Variants in ALDH4A1 observed in about 807,000 individuals in gnomAD.
ALDH4A1 encodes delta-1-pyrroline-5-carboxylate dehydrogenase, mitochondrial.
Under a neutral mutation model 70.5 loss-of-function variants are expected in ALDH4A1, and 46 were observed. That is an observed-to-expected ratio of 0.65 (90% CI 0.51 to 0.83). The LOEUF (loss-of-function observed/expected upper bound fraction) is 0.83. Among genes scored for constraint, ALDH4A1 ranks in the 40% least tolerant of loss-of-function variants. The pLI is 0.00. For synonymous variants in ALDH4A1, 323 were observed against 324.3 expected, an observed-to-expected ratio of 1.00 and a Z score of 0.04; for missense variants, 749 against 766.5, an observed-to-expected ratio of 0.98 and a Z score of 0.27.
rs1935836571 is a variant in ALDH4A1, at chr1:18,902,500, G to A, written c.24C>T (p.Leu8=). The A allele has an allele frequency of 1.4e-6, 2 of 1,480,768 alleles. No homozygotes were observed. Among genetic ancestry groups the A allele is most frequent in the Admixed American group, 2.2e-5 (1 of 46,136 alleles). 91.7% of individuals were successfully genotyped at this position (1,480,768 alleles called of 1,614,324 possible). Residue 8 remains leucine, a synonymous_variant, in exon 1 of 15, where the codon CTC becomes CTT. Coordinates refer to ENST00000375341, the MANE Select transcript of ALDH4A1 (RefSeq NM_003748.4). ...AGGGGCGGGACAGCAGGGCGCGGCG[G>A]AGCGCGGGCGCCGGCAGCAGCATCT... MLLPAPA[L]RRALLSRPWT... is the part of the protein sequence containing the mutation.
rs9117 is a variant in ALDH4A1 at position 18,872,401 on chromosome 1, A to G, written c.*444T>C. ...TGGTGCCCCCTGTGCCCCACAGGTC[A>G]GTCTGAGTTACACTTTACCCTGGAC... On this transcript the variant is annotated 3_prime_UTR_variant, in exon 15 of 15. Transcript: ENST00000375341. The G allele has an allele frequency of 0.18, 29,374 of 161,142 alleles. 3,206 individuals are homozygous for G. The highest frequency in any genetic ancestry group is 0.25 in the Non-Finnish European group (17,926 of 73,074). 10.0% of individuals were successfully genotyped at this position (161,142 alleles called of 1,614,324 possible).
intron 1 of ALDH4A1, among the ~76,000 whole-genome samples, chr1:18,895,013 G>A (rs1220183033): frequency 4.6e-5 from 7 of 152,060 alleles, no homozygotes; most frequent in Non-Finnish European, 7.4e-5. Flanking sequence ...TGGCAGGACA[G>A]CATTCCTCAT....
Position 18,885,493 on chromosome 1 carries a change from C to A in ALDH4A1, c.433G>T (p.Ala145Ser), listed in dbSNP as rs113846237. 9 of 1,322,134 alleles carry A rather than the reference C, an allele frequency of 6.8e-6. No homozygotes were observed. The highest frequency in any genetic ancestry group is 8.9e-6 in the Non-Finnish European group (9 of 1,008,226). 81.9% of individuals were successfully genotyped at this position (1,322,134 alleles called of 1,614,324 possible). The change falls in exon 5 of 15, where the codon GCC becomes TCC. Residue 145 changes from alanine to serine, a missense_variant. Ala to Ser is a moderately conservative substitution (Grantham distance 99, BLOSUM62 1). Coordinates refer to ENST00000375341, the MANE Select transcript of ALDH4A1 (RefSeq NM_003748.4). ...CTCACCTGTCCCACCATGGTCTTGGCGAGGATCTCAGCCCTGCGCGGCCCA... is the reference window on the plus strand; with the variant it reads ...CTCACCTGTCCCACCATGGTCTTGGAGAGGATCTCAGCCCTGCGCGGCCCA... ...LSGPRRAEIL[A>S]KTMVGQGKTV...
At chr1:18,877,743 G>T in intron 9 of ALDH4A1, 131 bp from the exon 10 acceptor site, 1 of 1,114,064 alleles carries the variant, frequency 9.0e-7, no homozygotes, top group Non-Finnish European at 1.3e-6. Flanking sequence ...AGCGGGCGGA[G>T]GCTCAGAGTG....
rs370258991 is a variant in ALDH4A1 at position 18,880,293 on chromosome 1, C to T, written c.867-920G>A. On this transcript the variant is annotated intron_variant, in intron 8 of 14. Transcript: ENST00000375341. This position sits in a 1 kb window ranked among gnomAD's most constrained non-coding sequence, Gnocchi z 5.1. ...CAGGCATCTCCACCCAGATAACACC[C>T]GAAGTGACCAACAGGAGATTCATCT... Among the ~76,000 whole-genome samples the T allele has an allele frequency of 1.3e-5, 2 of 152,144 alleles. No homozygotes were observed. The highest frequency in any genetic ancestry group is 3.9e-4 in the East Asian group (2 of 5,188).
At position 18,885,427 on chromosome 1, in the gene ALDH4A1, T is replaced by TTCCCCCCCCC; in HGVS notation, c.453+45_453+46insGGGGGGGGGA. On this transcript the variant is annotated intron_variant, in intron 5 of 14. Coordinates refer to ENST00000375341, the MANE Select transcript of ALDH4A1 (RefSeq NM_003748.4). ...CTGCCATGGGTAGGGCACACCTGACTCCCACCCCACCCCGCCCCACCCACC... is the reference window on the plus strand; with the variant it reads ...CTGCCATGGGTAGGGCACACCTGACTTCCCCCCCCCCCCACCCCACCCCGCCCCACCCACC... 2.2e-5 allele frequency: 14 copies of TTCCCCCCCCC among 650,922 alleles called. 1 individual carries two copies. The highest frequency in any genetic ancestry group is 3.2e-5 in the East Asian group (1 of 31,498). The allele number at this position is 650,922 out of a possible 1,614,324, so 40.3% of individuals were successfully genotyped here.
intron 1 of ALDH4A1, among the ~76,000 whole-genome samples, chr1:18,892,412 G>A (rs1935468126): frequency 6.6e-6 from 1 of 152,136 alleles, no homozygotes; most frequent in South Asian, 2.1e-4. Flanking sequence ...CAAGGTAACC[G>A]CAGATGGTGA....
chr1:18,876,354 G>A lies in ALDH4A1; in HGVS notation c.1299C>T (p.Ile433=), dbSNP rs762005271. Reference sequence around the variant, plus strand: ...GCTCCTGAGGGTCCTTGCTCTCCACGATGCAGGGCTCCACAAAGTAGCCCA... The same window carrying A: ...GCTCCTGAGGGTCCTTGCTCTCCACAATGCAGGGCTCCACAAAGTAGCCCA... ...DSVGYFVEPC[I]VESKDPQEPI... is the part of the protein sequence containing the mutation. The change falls in exon 12 of 15, where the codon ATC becomes ATT. Residue 433 remains isoleucine, a synonymous_variant. Coordinates refer to ENST00000375341, the MANE Select transcript of ALDH4A1 (RefSeq NM_003748.4). The A allele has an allele frequency of 1.6e-5, 26 of 1,613,790 alleles. No homozygotes were observed. The highest frequency in any genetic ancestry group is 1.6e-4 in the Middle Eastern group (1 of 6,074).
intron 2 of ALDH4A1, 44 bp from the exon 3 acceptor site, chr1:18,889,498 C>T (rs370406392): frequency 6.0e-6 from 9 of 1,506,346 alleles, no homozygotes; most frequent in Non-Finnish European, 8.1e-6. Flanking sequence ...GCCTTCCTCG[C>T]TTCCTCCCAT....
At chr1:18,899,715 A>C (rs556453562) in intron 1 of ALDH4A1, among the ~76,000 whole-genome samples, 112 of 152,222 alleles carry the variant, frequency 7.4e-4, no homozygotes, top group Non-Finnish European at 1.4e-3. Context: ...TGAGTAAAAT[A>C]ATCCACATGA....
chr1:18,880,670 C>T lies in ALDH4A1; in HGVS notation c.866+1030G>A, dbSNP rs114090179. On this transcript the variant is annotated intron_variant, in intron 8 of 14. Transcript: ENST00000375341. The surrounding 1 kb of genome is among the most constrained non-coding windows in gnomAD (Gnocchi z 5.1). ...GGAGCCAGAGGGCACCCACCCACTT[C>T]CAGCCAGTGGTACCACCAGGAAATG... Among the ~76,000 whole-genome samples the T allele has an allele frequency of 5.4e-3, 824 of 152,292 alleles. 10 individuals are homozygous for T. The highest frequency in any genetic ancestry group is 0.019 in the African/African-American group (782 of 41,548).
chr1:18,885,445 C>A, intron 5 of ALDH4A1, 28 bp downstream of exon 5: 1 of 951,062 alleles, frequency 1.1e-6, no homozygotes, highest in Non-Finnish European at 1.6e-6. Context: ...CACCCCGCCC[C>A]ACCCACCCGG....
In ALDH4A1 at chr1:18,886,524, A is replaced by C; in HGVS notation, c.250-13T>G. On this transcript the variant is annotated splice_polypyrimidine_tract_variant and intron_variant, in intron 3 of 14. Transcript: ENST00000375341. The stretch of plus-strand genomic sequence containing the variant: ...CATGGTTAAAAGGCTGAAAGGAGAG[A>C]AGAGTGAGGTCCTTGCCCGGGAGGG... 6.2e-7 allele frequency: 1 copy of C among 1,613,886 alleles called. No homozygotes were observed. Among genetic ancestry groups the C allele is most frequent in the Non-Finnish European group, 8.5e-7 (1 of 1,179,868 alleles).
chr1:18,874,691 G>A (rs1934595667), intron 13 of ALDH4A1, 110 bp from the exon 14 acceptor site: 12 of 1,050,316 alleles, frequency 1.1e-5, no homozygotes, highest in South Asian at 2.6e-5. Flanking sequence ...GGTTCAACAG[G>A]AGGCCGAGTC....
rs35359971 is a variant in ALDH4A1, at chr1:18,889,489, C to T, written c.157-35G>A. On this transcript the variant is annotated intron_variant, in intron 2 of 14. Transcript: ENST00000375341. ...GGGACAAGAGTGGGTATGGTCACCGCCTTCCTCGCTTCCTCCCATCTAAAA... is the reference window on the plus strand; with the variant it reads ...GGGACAAGAGTGGGTATGGTCACCGTCTTCCTCGCTTCCTCCCATCTAAAA... 4 of 1,524,010 alleles carry T rather than the reference C, an allele frequency of 2.6e-6. No individual in the cohort carries two copies. In the South Asian group the frequency reaches 4.8e-5, roughly 18 times the overall value. The allele number at this position is 1,524,010 out of a possible 1,614,324, so 94.4% of individuals were successfully genotyped here. A position where few individuals can be genotyped will look rare whatever the true frequency, so the allele number is the denominator to read the frequency against.
Position 18,875,647 on chromosome 1 carries a change from G to A in ALDH4A1, c.1339-144C>T, listed in dbSNP as rs534371565. 7 of 1,326,002 alleles carry A rather than the reference G, an allele frequency of 5.3e-6. No individual in the cohort carries two copies. In the African/African-American group the frequency reaches 7.3e-5, roughly 14 times the overall value. The allele number at this position is 1,326,002 out of a possible 1,614,324, so 82.1% of individuals were successfully genotyped here. On this transcript the variant is annotated intron_variant, in intron 12 of 14. Transcript: ENST00000375341. The stretch of plus-strand genomic sequence containing the variant: ...TCAGTGTCTGCAAGAAGGGTCAGGT[G>A]TCGCCTCCTCCTGGGTTCCCTCCAG...
chr1:18,878,650 C>T (rs72651875), intron 9 of ALDH4A1, among the ~76,000 whole-genome samples: 1 of 152,060 alleles, frequency 6.6e-6, no homozygotes, highest in Non-Finnish European at 1.5e-5. Flanking sequence ...TGGCCCAATG[C>T]GTGTGGGAAA....
At chr1:18,891,891 A>G (rs970911528) in intron 1 of ALDH4A1, among the ~76,000 whole-genome samples, 4 of 152,024 alleles carry the variant, frequency 2.6e-5, no homozygotes, top group African/African-American at 7.2e-5. Flanking sequence ...AGCTGGGCGT[A>G]GTGGCCCACT....
intron 8 of ALDH4A1, among the ~76,000 whole-genome samples, chr1:18,881,154 C>T (rs1934949220): frequency 6.6e-6 from 1 of 152,140 alleles, no homozygotes; most frequent in Non-Finnish European, 1.5e-5. Flanking sequence ...TGCCCTCACT[C>T]TCTTGCCCTG....
Sources: gnomAD v4.1 joint callset for allele counts (sites outside exome capture counted in the v4.1 genomes callset) on GRCh38, gnomAD v4.1.1 for gene constraint, Gnocchi (gnomAD v3.1) non-coding constraint, MANE v1.5 for transcripts, NCBI Gene and HGNC (gene_info 2026-07-23, HGNC 2026-07-21) for gene names.